The following IGDCC4 variants were observed in gnomAD, a reference collection of about 807,000 sequenced individuals.
IGDCC4 encodes the protein immunoglobulin superfamily DCC subclass member 4, also known as likely ortholog of mouse neighbor of Punc E11.
Under a neutral mutation model 116.6 loss-of-function variants are expected in IGDCC4, and 72 were observed. The observed-to-expected ratio is 0.62, with a 90% CI of 0.51 to 0.75. The LOEUF (loss-of-function observed/expected upper bound fraction) is 0.75. Among genes scored for constraint, IGDCC4 ranks in the 30% least tolerant of loss-of-function variants. IGDCC4 has a pLI of 0.00. For missense variants in IGDCC4, 1,501 were observed against 1,662.4 expected, an observed-to-expected ratio of 0.90 and a Z score of 1.69; for synonymous variants, 709 against 719.9, an observed-to-expected ratio of 0.98 and a Z score of 0.24.
At chr15:65,404,730 G>T (rs2063024151) in intron 3 of IGDCC4, among the ~76,000 whole-genome samples, 1 of 152,134 alleles carries the variant, frequency 6.6e-6, no homozygotes, top group Non-Finnish European at 1.5e-5. Context: ...CCCAGATATG[G>T]TGCTATTGCT....
Position 65,383,843 on chromosome 15 carries a change from G to A in IGDCC4, c.*166C>T. On this transcript the variant is annotated 3_prime_UTR_variant, in exon 20 of 20. Transcript: ENST00000352385. ...ATGTGTATCACAAAGAGTATGGGGG[G>A]AGTGAATAATCCATGTTTTCCTCTC... 1 of 565,488 alleles carries A rather than the reference G, an allele frequency of 1.8e-6. No individual in the cohort carries two copies. The highest frequency in any genetic ancestry group is 3.1e-6 in the Non-Finnish European group (1 of 326,058). 35.0% of individuals were successfully genotyped at this position (565,488 alleles called of 1,614,324 possible). A position where few individuals can be genotyped will look rare whatever the true frequency, so the allele number is the denominator to read the frequency against.
At chr15:65,418,961 C>T (rs1167937762) in intron 1 of IGDCC4, among the ~76,000 whole-genome samples, 1 of 152,114 alleles carries the variant, frequency 6.6e-6, no homozygotes, top group Non-Finnish European at 1.5e-5. Context: ...GAAAGGGTGG[C>T]CCCATTTCAG....
chr15:65,390,904 C>T (rs1336057211), intron 12 of IGDCC4, among the ~76,000 whole-genome samples: 1 of 152,082 alleles, frequency 6.6e-6, no homozygotes, highest in Non-Finnish European at 1.5e-5. Context: ...AGACACTCAG[C>T]GAAATATTTG....
chr15:65,409,942 ACTACTACACCTACC>A, intron 3 of IGDCC4, among the ~76,000 whole-genome samples: 1 of 152,172 alleles, frequency 6.6e-6, no homozygotes, highest in Admixed American at 6.5e-5. Flanking sequence ...GAAGGACTCT[ACTACTACACCTACC>A]CAGGCTCCAC....
chr15:65,387,656 C>T (rs1366940486), intron 16 of IGDCC4, among the ~76,000 whole-genome samples: 2 of 151,628 alleles, frequency 1.3e-5, no homozygotes, highest in Admixed American at 6.6e-5. Context: ...CCTGGCCGTC[C>T]GACCTCTAAT....
At position 65,395,870 on chromosome 15, in the gene IGDCC4, C is replaced by T. The variant is rs368390180; in HGVS notation, c.1291G>A (p.Ala431Thr). ...AVVVREGLPS[A>T]PTRVTATPLS... ...GGCGTAGCAGTGACCCGCGTGGGGG[C>T]GCTGGGCAGCCCCTCGCGCACCACC... The change falls in exon 7 of 20, where the codon GCC (alanine) becomes ACC (threonine). Residue 431 changes from alanine (A) to threonine (T), a missense_variant. Ala to Thr is a moderately conservative substitution (Grantham distance 58). Transcript: ENST00000352385. The T allele has an allele frequency of 1.3e-5, 20 of 1,581,898 alleles. No homozygotes were observed. The African/African-American group carries it at 2.0e-4, about 16-fold the overall frequency.
chr15:65,406,327 G>A (rs1269210535), intron 3 of IGDCC4, among the ~76,000 whole-genome samples: 1 of 152,226 alleles, frequency 6.6e-6, no homozygotes, highest in Non-Finnish European at 1.5e-5. Flanking sequence ...AAGTGGTTGT[G>A]TAAATGGTAT....
chr15:65,389,498 C>G (rs1456322165), intron 13 of IGDCC4, 87 bp from the exon 14 acceptor site: 1 of 1,575,300 alleles, frequency 6.3e-7, no homozygotes, highest in African/African-American at 1.3e-5. Context: ...CTGCAGTCAG[C>G]CCCAGCCCCA....
At chr15:65,410,727 G>T (rs2063083023) in intron 2 of IGDCC4, 1 of 483,474 alleles carries the variant, frequency 2.1e-6, no homozygotes, top group South Asian at 2.9e-5. Flanking sequence ...CTGACACAAA[G>T]GGGGCACTCT....
rs776431286 is a variant in IGDCC4 at position 65,402,466 on chromosome 15, G to A, written c.585C>T (p.Gly195=). 26 of 1,567,062 alleles carry A rather than the reference G, an allele frequency of 1.7e-5. No homozygotes were observed. The highest frequency in any genetic ancestry group is 4.6e-5 in the East Asian group (2 of 43,068). ...CCTGAACATCCAGGATCTGAAGGAC[G>A]CCGTTGGGAAGCACGATGAGCCTTG... ...EEPRLIVLPN[G]VLQILDVQES... The change falls in exon 4 of 20, where the codon GGC becomes GGT. Residue 195 remains glycine (G), a synonymous_variant. Coordinates refer to ENST00000352385, the MANE Select transcript of IGDCC4 (RefSeq NM_020962.3).
rs888907622 is a variant in IGDCC4, at chr15:65,382,622, G to A, written c.*1387C>T. On this transcript the variant is annotated 3_prime_UTR_variant, in exon 20 of 20. Transcript: ENST00000352385. ...TCAAGCTTGTCCCTGTGCGGCAGGT[G>A]AACAGAAAATGACTTGAGGATTCAA... 4 of 152,460 alleles carry A rather than the reference G, an allele frequency of 2.6e-5. No homozygotes were observed. The highest frequency in any genetic ancestry group is 6.5e-5 in the Admixed American group (1 of 15,286). 9.4% of individuals were successfully genotyped at this position (152,460 alleles called of 1,614,324 possible). A position where few individuals can be genotyped will look rare whatever the true frequency, so the allele number is the denominator to read the frequency against.
Position 65,402,479 on chromosome 15 carries a change from A to T in IGDCC4, c.572T>A (p.Val191Glu). 1 of 1,567,360 alleles carries T rather than the reference A, an allele frequency of 6.4e-7. No individual in the cohort carries two copies. The highest frequency in any genetic ancestry group is 8.7e-7 in the Non-Finnish European group (1 of 1,155,400). ...VTLPEEPRLI[V>E]LPNGVLQILD... ...GATCTGAAGGACGCCGTTGGGAAGC[A>T]CGATGAGCCTTGGGAAGAGGGGAGC... Residue 191 changes from valine to glutamate, a missense_variant, in exon 4 of 20, where the codon GTG becomes GAG. By Grantham distance (121) the Val-to-Glu change is moderately radical. This residue lies in a region of IGDCC4 where 898 missense variants were observed against 978.9 expected (regional missense o/e 0.92). Coordinates refer to ENST00000352385, the MANE Select transcript of IGDCC4 (RefSeq NM_020962.3).
At chr15:65,414,990 C>T (rs1026914598) in intron 1 of IGDCC4, among the ~76,000 whole-genome samples, 2 of 152,116 alleles carry the variant, frequency 1.3e-5, no homozygotes, top group Admixed American at 6.5e-5. Context: ...CCATGCCCGG[C>T]GGGGAGCTTA....
At chr15:65,385,730 C>G (rs943548363) in intron 18 of IGDCC4, 101 bp downstream of exon 18, 22 of 1,000,706 alleles carry the variant, frequency 2.2e-5, no homozygotes, top group Non-Finnish European at 2.9e-5. Flanking sequence ...CAGCCGGCTC[C>G]GAAGAGGAGG....
chr15:65,401,450 T>C (rs2062984994), intron 4 of IGDCC4, among the ~76,000 whole-genome samples: 1 of 152,164 alleles, frequency 6.6e-6, no homozygotes, highest in Non-Finnish European at 1.5e-5. Flanking sequence ...AAGTTCTTTG[T>C]GTGACCCTGG....
chr15:65,417,754 C>G (rs2063157690), intron 1 of IGDCC4, among the ~76,000 whole-genome samples: 1 of 152,156 alleles, frequency 6.6e-6, no homozygotes, highest in East Asian at 1.9e-4. Flanking sequence ...CGCCACCATG[C>G]CTGGCTAGTT....
chr15:65,395,971 AG>A lies in IGDCC4; in HGVS notation c.1189del (p.Leu397CysfsTer44). On this transcript the variant is annotated frameshift_variant, in exon 7 of 20. Transcript: ENST00000352385. LOFTEE classifies it high-confidence loss of function. ...GGSLVITQIG[L>X]QDAGYYQCVA... ...GCACTGGTAGTAGCCGGCGTCCTGC[AG>A]GCCGATCTGTGTGATGACCAGGCTG... The A allele has an allele frequency of 6.3e-7, 1 of 1,581,904 alleles. No individual in the cohort carries two copies. Among genetic ancestry groups the A allele is most frequent in the Non-Finnish European group, 8.5e-7 (1 of 1,171,948 alleles).
chr15:65,412,212 C>T (rs1482503806), intron 1 of IGDCC4, among the ~76,000 whole-genome samples: 1 of 151,990 alleles, frequency 6.6e-6, no homozygotes, highest in Non-Finnish European at 1.5e-5. Flanking sequence ...GAACGAGACT[C>T]TGTGAGAAAA....
chr15:65,409,395 A>G (rs1415986888), intron 3 of IGDCC4, among the ~76,000 whole-genome samples: 3 of 152,120 alleles, frequency 2.0e-5, no homozygotes, highest in Non-Finnish European at 4.4e-5. Flanking sequence ...ATATAGGGAG[A>G]GGACTGCAGG....
Sources: allele counts gnomAD v4.1 joint callset (sites outside exome capture counted in the v4.1 genomes callset), GRCh38; gene constraint gnomAD v4.1.1; regional missense constraint gnomAD v4.1.1; transcripts MANE v1.5; gene names NCBI Gene and HGNC (gene_info 2026-07-23, HGNC 2026-07-21).